The following CNGB1 variants were observed in gnomAD, a reference collection of about 807,000 sequenced individuals.
CNGB1 encodes the protein cyclic nucleotide-gated channel beta-1.
CNGB1 carries 126 observed loss-of-function variants against 151.7 expected under a neutral mutation model. That is an observed-to-expected ratio of 0.83 (90% CI 0.72 to 0.96). The LOEUF is 0.96. Ranked by LOEUF, CNGB1 falls within the 40% of genes least tolerant of loss-of-function variation. The pLI, the probability that CNGB1 is intolerant of heterozygous loss-of-function variation, is 0.00. For missense variants in CNGB1, 1,698 were observed against 1,627.0 expected, an observed-to-expected ratio of 1.04 and a Z score of -0.75; for synonymous variants, 623 against 635.1, an observed-to-expected ratio of 0.98 and a Z score of 0.29.
chr16:57,907,384 A>G (rs1026266547), intron 25 of CNGB1, among the ~76,000 whole-genome samples: 1 of 148,976 alleles, frequency 6.7e-6, no homozygotes, highest in Non-Finnish European at 1.5e-5. Context: ...TTTTAGCTCC[A>G]ATGTCTGGGG....
In CNGB1 at chr16:57,903,850, CTCGT is replaced by C. The variant is rs1064794342; in HGVS notation, c.2762_2765del (p.Tyr921CysfsTer15). The C allele has an allele frequency of 1.2e-6, 2 of 1,614,186 alleles. No individual in the cohort carries two copies. Among genetic ancestry groups the C allele is most frequent in the Non-Finnish European group, 1.7e-6 (2 of 1,180,036 alleles). ...GCATGCCTTGCGAGTGCCAGGTGTA[CTCGT>C]ACCAGGTCTTGACGCGGTTCTGCAC... is the stretch of plus-strand genomic sequence containing the variant. On this transcript the variant is annotated frameshift_variant, in exon 27 of 33. Coordinates refer to ENST00000251102, the MANE Select transcript of CNGB1 (RefSeq NM_001297.5). LOFTEE classifies it high-confidence loss of function.
chr16:57,884,359 C>G lies in CNGB1; in HGVS notation c.3561G>C (p.Arg1187=), dbSNP rs1959847994. ...KEAATDPPAP[R]TPPEPPGSPP... is the part of the protein sequence containing the mutation. ...GAGACCCCGGGGGCTCGGGGGGCGT[C>G]CGGGGCGCGGGTGGGTCGGTGGCGG... Residue 1187 remains arginine (R), a synonymous_variant, in exon 33 of 33, where the codon CGG becomes CGC. Transcript: ENST00000251102. 6.2e-7 allele frequency: 1 copy of G among 1,610,928 alleles called. No individual in the cohort carries two copies. Among genetic ancestry groups the G allele is most frequent in the East Asian group, 2.2e-5 (1 of 44,752 alleles).
intron 11 of CNGB1, among the ~76,000 whole-genome samples, chr16:57,957,971 T>A (rs1275937194): frequency 1.3e-5 from 2 of 151,884 alleles, no homozygotes; most frequent in African/African-American, 2.4e-5. Flanking sequence ...AAAGAAGGGG[T>A]GACAGAGCTC....
In CNGB1 at chr16:57,907,799, G is replaced by A. The variant is rs571828792; in HGVS notation, c.2493-2924C>T. Among the ~76,000 whole-genome samples the A allele has an allele frequency of 5.3e-4, 81 of 152,302 alleles. 1 individual carries two copies. In the South Asian group the frequency reaches 0.013, roughly 25 times the overall value. On this transcript the variant is annotated intron_variant, in intron 25 of 32. Coordinates refer to ENST00000251102, the MANE Select transcript of CNGB1 (RefSeq NM_001297.5). Reference sequence around the variant, plus strand: ...AATGGGTAAAAGGGCCACTGGTGACGTGGGGAAGCATTAGATCTTGACCCC... The same window carrying A: ...AATGGGTAAAAGGGCCACTGGTGACATGGGGAAGCATTAGATCTTGACCCC...
rs766116298 is a variant in CNGB1, at chr16:57,921,054, G to A, written c.1644-510C>T. On this transcript the variant is annotated intron_variant, in intron 18 of 32. Transcript: ENST00000251102. ...GTTTCTGCACTGTCAGCAAGAGAGA[G>A]AGAGAAACTGCTTTCTTTCCTCTGA... 2.0e-5 allele frequency among the ~76,000 whole-genome samples: 3 copies of A among 151,990 alleles called. 1 individual carries two copies. Among genetic ancestry groups the A allele is most frequent in the Non-Finnish European group, 4.4e-5 (3 of 68,008 alleles).
At chr16:57,885,084 T>A (rs1472085629) in intron 32 of CNGB1, among the ~76,000 whole-genome samples, 1 of 152,098 alleles carries the variant, frequency 6.6e-6, no homozygotes, top group African/African-American at 2.4e-5. Context: ...ACGATGGCCA[T>A]GGTCTTCACA....
At chr16:57,888,163 G>T in intron 31 of CNGB1, 89 bp from the exon 32 acceptor site, 1 of 1,368,054 alleles carries the variant, frequency 7.3e-7, no homozygotes, top group Non-Finnish European at 1.0e-6. Context: ...AGCTGGAGCT[G>T]TGTAGTGGTG....
chr16:57,937,521 A>T (rs1370778521), intron 16 of CNGB1, among the ~76,000 whole-genome samples: 1 of 152,176 alleles, frequency 6.6e-6, no homozygotes, highest in Non-Finnish European at 1.5e-5. Context: ...TCATCAGGTC[A>T]TGTGGCTGGC....
In CNGB1 at chr16:57,882,799, CTTTTTTTT is replaced by C. The variant is rs71155213; in HGVS notation, c.*1357_*1364del. 6.6e-5 allele frequency: 9 copies of C among 136,068 alleles called. No individual in the cohort carries two copies. In the Admixed American group the frequency reaches 6.7e-4, roughly 10 times the overall value. The allele number at this position is 136,068 out of a possible 1,614,324, so 8.4% of individuals were successfully genotyped here. ...CCTTTTTTCTTTTTTTTTCTTTTTT[CTTTTTTTT>C]TTTTTGTCTGAATCATAAAAGCAAC... On this transcript the variant is annotated 3_prime_UTR_variant, in exon 33 of 33. Coordinates refer to ENST00000251102, the MANE Select transcript of CNGB1 (RefSeq NM_001297.5).
rs779738300 is a variant in CNGB1, at chr16:57,888,029, C to A, written c.3288G>T (p.Val1096=). The change falls in exon 32 of 33, where the codon GTG becomes GTT. Residue 1096 remains valine (V), a synonymous_variant. Transcript: ENST00000251102. The part of the protein sequence containing the change: ...SNNKPKEEKS[V]LILPPRAGTP... ...TGCCCGCCCGGGGTGGAAGGATCAGCACGCTCTTCTCCTCCTTGGGCTTAT... is the reference window on the plus strand; with the variant it reads ...TGCCCGCCCGGGGTGGAAGGATCAGAACGCTCTTCTCCTCCTTGGGCTTAT... 1 of 1,614,168 alleles carries A rather than the reference C, an allele frequency of 6.2e-7. No individual in the cohort carries two copies. The highest frequency in any genetic ancestry group is 1.7e-5 in the Admixed American group (1 of 60,022).
intron 25 of CNGB1, among the ~76,000 whole-genome samples, chr16:57,906,150 GGGCTCAGCCATTC>G (rs1282016218): frequency 3.3e-5 from 5 of 152,298 alleles, no homozygotes; most frequent in Admixed American, 6.5e-5. Context: ...CAGGCTGGCT[GGGCTCAGCCATTC>G]GGCTCAGCCA....
At chr16:57,962,947 C>T in intron 5 of CNGB1, 27 bp downstream of exon 5, 1 of 1,612,688 alleles carries the variant, frequency 6.2e-7, no homozygotes, top group East Asian at 2.2e-5. Context: ...CCAACCCGGC[C>T]CCTTCAGCCT....
intron 7 of CNGB1, among the ~76,000 whole-genome samples, chr16:57,962,055 G>A (rs1024404433): frequency 6.6e-6 from 1 of 152,216 alleles, no homozygotes; most frequent in African/African-American, 2.4e-5. Context: ...ACGCCAGCAA[G>A]GAAGAGGCAG....
At chr16:57,926,836 C>T (rs750996495) in intron 17 of CNGB1, among the ~76,000 whole-genome samples, 1 of 152,068 alleles carries the variant, frequency 6.6e-6, no homozygotes, top group South Asian at 2.1e-4. Flanking sequence ...AAAAATTAGC[C>T]GGGTATGGTG....
rs1469093444 is a variant in CNGB1 at position 57,919,102 on chromosome 16, T to C, written c.1954A>G (p.Thr652Ala). ...YQFPQSIDPL[T>A]NLMYVLWLFF... Reference sequence around the variant, plus strand: ...ACACCCATTCCCCAGGACTCACTGGTCAGCGGGTCAATGCTCTGGGGAAAC... The same window carrying C: ...ACACCCATTCCCCAGGACTCACTGGCCAGCGGGTCAATGCTCTGGGGAAAC... Residue 652 changes from threonine to alanine, a missense_variant, in exon 20 of 33, where the codon ACC becomes GCC. By Grantham distance (58) the Thr-to-Ala change is moderately conservative (BLOSUM62 0). Coordinates refer to ENST00000251102, the MANE Select transcript of CNGB1 (RefSeq NM_001297.5). The C allele has an allele frequency of 5.0e-6, 8 of 1,614,116 alleles. No individual in the cohort carries two copies. Among genetic ancestry groups the C allele is most frequent in the Non-Finnish European group, 6.8e-6 (8 of 1,180,054 alleles).
At chr16:57,915,106 C>T (rs1156898465) in intron 23 of CNGB1, 143 bp downstream of exon 23, 28 of 630,700 alleles carry the variant, frequency 4.4e-5, no homozygotes, top group South Asian at 3.8e-4. Flanking sequence ...CTAAGACACA[C>T]GTGGAATAAA....
chr16:57,967,515 G>T (rs1005541058), intron 1 of CNGB1, among the ~76,000 whole-genome samples: 1 of 152,100 alleles, frequency 6.6e-6, no homozygotes, highest in Non-Finnish European at 1.5e-5. Flanking sequence ...GCAAGACAGC[G>T]AGACCCTCGT....
chr16:57,970,513 T>C (rs753627179), intron 1 of CNGB1, among the ~76,000 whole-genome samples: 5 of 152,210 alleles, frequency 3.3e-5, no homozygotes, highest in South Asian at 4.1e-4. Flanking sequence ...GCCCCACATG[T>C]ATTCCCAGGT....
intron 11 of CNGB1, 133 bp from the exon 12 acceptor site, chr16:57,957,510 G>C: frequency 1.3e-6 from 1 of 772,266 alleles, no homozygotes; most frequent in Non-Finnish European, 2.3e-6. Context: ...ATGGAGAAGA[G>C]AGTCCCTGCT....
Sources: gnomAD v4.1 joint callset for allele counts (sites outside exome capture counted in the v4.1 genomes callset) on GRCh38, gnomAD v4.1.1 for gene constraint, MANE v1.5 for transcripts, NCBI Gene and HGNC (gene_info 2026-07-23, HGNC 2026-07-21) for gene names.